PRKG1: variants seen among roughly 807,000 people sequenced by gnomAD.
PRKG1 encodes cGMP-dependent protein kinase 1.
A neutral mutation model predicts 88.1 loss-of-function variants in PRKG1; 35 were observed. The observed-to-expected ratio is 0.40, with a 90% confidence interval of 0.30 to 0.53. The LOEUF (loss-of-function observed/expected upper bound fraction) is 0.53. PRKG1 is among the 20% of genes least tolerant of loss of function. The pLI is 0.59. For missense variants in PRKG1, 540 were observed against 839.8 expected (o/e 0.64, Z 4.41); for synonymous variants, 303 against 292.5 (o/e 1.04, Z -0.37).
intron 3 of PRKG1, among the ~76,000 whole-genome samples, chr10:51,595,071 G>A (rs185428132): frequency 6.6e-6 from 1 of 152,312 alleles, no homozygotes; most frequent in East Asian, 1.9e-4. Flanking sequence ...TCTGTGCCAA[G>A]TGCGGTGGCT....
chr10:52,196,113 T>G (rs1427975044), intron 9 of PRKG1, among the ~76,000 whole-genome samples: 1 of 152,062 alleles, frequency 6.6e-6, no homozygotes, highest in Non-Finnish European at 1.5e-5. Flanking sequence ...CCTGGGTTCA[T>G]GCCATTCTCC....
At chr10:51,703,212 T>C (rs1417868418) in intron 3 of PRKG1, among the ~76,000 whole-genome samples, 2 of 152,192 alleles carry the variant, frequency 1.3e-5, no homozygotes. Context: ...AAAAATTCTA[T>C]ACACTTTGAA....
intron 2 of PRKG1, among the ~76,000 whole-genome samples, chr10:51,359,156 T>G (rs1588879163): frequency 6.6e-6 from 1 of 152,098 alleles, no homozygotes; most frequent in Middle Eastern, 3.4e-3. Flanking sequence ...TGAAATTAGT[T>G]CTTATACCAT....
intron 4 of PRKG1, among the ~76,000 whole-genome samples, chr10:51,869,207 C>T (rs1422113873): frequency 3.3e-5 from 5 of 152,176 alleles, no homozygotes; most frequent in African/African-American, 1.2e-4. Context: ...TGATACCAAC[C>T]GTACTTCTCA....
At chr10:51,095,629 G>A (rs985804926) in intron 1 of PRKG1, among the ~76,000 whole-genome samples, 6 of 152,122 alleles carry the variant, frequency 3.9e-5, no homozygotes, top group African/African-American at 7.2e-5. Context: ...CAGCCAGACC[G>A]CGTGCCCAGC....
At chr10:51,735,883 ATATT>A (rs1554836800) in intron 3 of PRKG1, among the ~76,000 whole-genome samples, 3 of 102,868 alleles carry the variant, frequency 2.9e-5, no homozygotes, top group African/African-American at 1.3e-4. Context: ...ATATATATGT[ATATT>A]TATTTATTTA....
chr10:51,008,664 C>G (rs543526185), intron 1 of PRKG1, among the ~76,000 whole-genome samples: 2 of 152,090 alleles, frequency 1.3e-5, no homozygotes, highest in African/African-American at 4.8e-5. Flanking sequence ...AATATGATGT[C>G]GTCTTGATTA....
chr10:52,080,013 G>A (rs894050894), intron 7 of PRKG1, among the ~76,000 whole-genome samples: 2 of 152,022 alleles, frequency 1.3e-5, no homozygotes, highest in Non-Finnish European at 2.9e-5. Context: ...ATATCCCAGT[G>A]CCCACTAAAT....
intron 4 of PRKG1, among the ~76,000 whole-genome samples, chr10:51,861,841 A>C (rs1213575894): frequency 6.6e-6 from 1 of 152,208 alleles, no homozygotes; most frequent in Non-Finnish European, 1.5e-5. Flanking sequence ...CCTTCATGGC[A>C]GGTGGTGCCT....
intron 1 of PRKG1, among the ~76,000 whole-genome samples, chr10:51,052,902 C>G (rs1342095372): frequency 6.6e-6 from 1 of 152,100 alleles, no homozygotes; most frequent in Non-Finnish European, 1.5e-5. Context: ...TTTGTAATAA[C>G]TAGTAGATGA....
At chr10:51,067,106 G>A (rs1843760211) in intron 1 of PRKG1, among the ~76,000 whole-genome samples, 1 of 151,750 alleles carries the variant, frequency 6.6e-6, no homozygotes, top group South Asian at 2.1e-4. Context: ...GTGCACTGGG[G>A]ATTAAGTTTC....
intron 2 of PRKG1, among the ~76,000 whole-genome samples, chr10:51,254,754 A>T (rs374205113): frequency 6.6e-6 from 1 of 152,056 alleles, no homozygotes; most frequent in African/African-American, 2.4e-5. Context: ...CTGAAATTAT[A>T]ATTTATAAAG....
chr10:51,410,226 A>G (rs960291260), intron 2 of PRKG1, among the ~76,000 whole-genome samples: 6 of 141,326 alleles, frequency 4.2e-5, no homozygotes, highest in African/African-American at 8.4e-5. Flanking sequence ...ACATATATAT[A>G]TGTGTGTGTG....
At chr10:52,180,339 A>G (rs928447095) in intron 9 of PRKG1, among the ~76,000 whole-genome samples, 1 of 152,160 alleles carries the variant, frequency 6.6e-6, no homozygotes, top group Non-Finnish European at 1.5e-5. Context: ...TAAATTGTCT[A>G]TCTGTAATCT....
chr10:52,206,795 G>C (rs772281856), intron 9 of PRKG1, among the ~76,000 whole-genome samples: 36 of 152,180 alleles, frequency 2.4e-4, no homozygotes, highest in Non-Finnish European at 4.6e-4. Context: ...GCACTGGAGA[G>C]GCTGAGGAGT....
chr10:51,239,762 C>T (rs1839101352), intron 2 of PRKG1, among the ~76,000 whole-genome samples: 1 of 152,114 alleles, frequency 6.6e-6, no homozygotes, highest in South Asian at 2.1e-4. Context: ...TGAACCAGAT[C>T]GACCTGGGTT....
intron 2 of PRKG1, among the ~76,000 whole-genome samples, chr10:51,221,822 A>G (rs990144487): frequency 2.0e-5 from 3 of 151,786 alleles, no homozygotes; most frequent in Admixed American, 2.0e-4. Context: ...AAATAATAAA[A>G]GAGGAGCATT....
chr10:51,257,531 C>G (rs1287284994), intron 2 of PRKG1, among the ~76,000 whole-genome samples: 1 of 152,144 alleles, frequency 6.6e-6, no homozygotes, highest in Non-Finnish European at 1.5e-5. Flanking sequence ...AATCCAGGAA[C>G]AGCGCTGGCT....
chr10:52,049,200 G>A (rs748138875), intron 5 of PRKG1, among the ~76,000 whole-genome samples: 9 of 152,088 alleles, frequency 5.9e-5, no homozygotes, highest in South Asian at 2.1e-4. Flanking sequence ...GAATGGGGTC[G>A]GAGTGCACAC....
Sources: allele counts gnomAD v4.1 joint callset (sites outside exome capture counted in the v4.1 genomes callset), GRCh38; gene constraint gnomAD v4.1.1; transcripts MANE v1.5; gene names NCBI Gene and HGNC (gene_info 2026-07-23, HGNC 2026-07-21).